The following DOCK1 variants were observed in gnomAD, a reference collection of about 807,000 sequenced individuals.
DOCK1 encodes dedicator of cytokinesis 1, also known as dedicator of cytokinesis protein 1.
A neutral mutation model predicts 262.7 loss-of-function variants in DOCK1; 138 were observed. That is an observed-to-expected ratio of 0.53 (90% CI 0.46 to 0.61). The LOEUF is 0.61. Among genes scored for constraint, DOCK1 ranks in the 20% least tolerant of loss-of-function variants. The probability of loss-of-function intolerance (pLI) is 0.00; values close to 1 mark genes in which losing one functional copy is unlikely to be tolerated. For synonymous variants in DOCK1, 866 were observed against 867.4 expected (o/e 1.00, Z 0.03); for missense variants, 1,908 against 2,370.7 (o/e 0.80, Z 4.05).
intron 29 of DOCK1, among the ~76,000 whole-genome samples, chr10:127,261,078 T>G (rs2060052060): frequency 6.9e-6 from 1 of 145,348 alleles, no homozygotes; most frequent in East Asian, 2.1e-4. Flanking sequence ...GGTGTGTGTG[T>G]ACCTGTGCTC....
chr10:127,447,380 TC>T lies in DOCK1; in HGVS notation c.5414-11del. The T allele has an allele frequency of 6.2e-7, 1 of 1,608,700 alleles. No homozygotes were observed. Among genetic ancestry groups the T allele is most frequent in the Non-Finnish European group, 8.5e-7 (1 of 1,177,556 alleles). On this transcript the variant is annotated splice_polypyrimidine_tract_variant and intron_variant, in intron 50 of 51. Coordinates refer to ENST00000623213, the MANE Select transcript of DOCK1 (RefSeq NM_001290223.2). ...GGAAGTCGGGCTGATTTTAAATAGATCCCGGTTTTCCAGGCTTGGAGCTGAA... is the reference window on the plus strand; with the variant it reads ...GGAAGTCGGGCTGATTTTAAATAGATCCGGTTTTCCAGGCTTGGAGCTGAA...
At chr10:127,162,574 C>T (rs2053678066) in intron 27 of DOCK1, among the ~76,000 whole-genome samples, 1 of 152,184 alleles carries the variant, frequency 6.6e-6, no homozygotes, top group Non-Finnish European at 1.5e-5. Flanking sequence ...CTCAGAATCA[C>T]ACACATCCCA....
In DOCK1 at chr10:127,081,904, C is replaced by T. The variant is rs537687345; in HGVS notation, c.2445+20128C>T. 2.0e-5 allele frequency among the ~76,000 whole-genome samples: 3 copies of T among 152,300 alleles called. No individual in the cohort carries two copies. In the South Asian group the frequency reaches 6.2e-4, roughly 32 times the overall value. On this transcript the variant is annotated intron_variant, in intron 23 of 51. Transcript: ENST00000623213. Reference sequence around the variant, plus strand: ...TCACCACCGTAATCAAGAGCTGGAACATTTCGCCACCCCAGTGATCTCCCT... The same window carrying T: ...TCACCACCGTAATCAAGAGCTGGAATATTTCGCCACCCCAGTGATCTCCCT...
intron 25 of DOCK1, among the ~76,000 whole-genome samples, chr10:127,115,512 G>A (rs978753798): frequency 2.6e-5 from 4 of 152,196 alleles, no homozygotes; most frequent in Non-Finnish European, 5.9e-5. Flanking sequence ...CATCATTTGT[G>A]CATTTGTAGC....
intron 7 of DOCK1, among the ~76,000 whole-genome samples, chr10:126,997,654 C>G (rs561726598): frequency 6.6e-6 from 1 of 152,228 alleles, no homozygotes; most frequent in African/African-American, 2.4e-5. Context: ...CACACACACA[C>G]AGTAGATACT....
chr10:127,042,577 GA>G, intron 19 of DOCK1, 47 bp from the exon 20 acceptor site: 3 of 1,507,432 alleles, frequency 2.0e-6, no homozygotes, highest in Non-Finnish European at 2.8e-6. Context: ...GTGTGTGGGG[GA>G]AGTCCGGTGG....
At chr10:127,123,086 C>T (rs1328972036) in intron 25 of DOCK1, among the ~76,000 whole-genome samples, 1 of 152,182 alleles carries the variant, frequency 6.6e-6, no homozygotes, top group East Asian at 1.9e-4. Flanking sequence ...ATGGACACAC[C>T]CTCCTTCCAG....
At position 127,379,974 on chromosome 10, in the gene DOCK1, C is replaced by T. The variant is rs568683550; in HGVS notation, c.3676-108C>T. On this transcript the variant is annotated intron_variant, in intron 35 of 51. Coordinates refer to ENST00000623213, the MANE Select transcript of DOCK1 (RefSeq NM_001290223.2). ...TGGTTCTGATCCAAAGAGCTGGGTCCATTTGGCTGTGTTTGACACAAGATG... is the reference window on the plus strand; with the variant it reads ...TGGTTCTGATCCAAAGAGCTGGGTCTATTTGGCTGTGTTTGACACAAGATG... The T allele has an allele frequency of 1.7e-5, 13 of 750,620 alleles. No homozygotes were observed. In the South Asian group the frequency reaches 2.1e-4, roughly 12 times the overall value. The allele number at this position is 750,620 out of a possible 1,614,324, so 46.5% of individuals were successfully genotyped here.
intron 27 of DOCK1, among the ~76,000 whole-genome samples, chr10:127,160,046 G>A (rs539623006): frequency 1.3e-5 from 2 of 152,042 alleles, no homozygotes; most frequent in Non-Finnish European, 2.9e-5. Context: ...TAGTGTCTCC[G>A]AGACCTTGAA....
intron 24 of DOCK1, among the ~76,000 whole-genome samples, chr10:127,109,664 C>T (rs778782412): frequency 1.3e-5 from 2 of 152,182 alleles, no homozygotes; most frequent in Non-Finnish European, 2.9e-5. Flanking sequence ...TTCTACTTAG[C>T]ATAAAGTTTT....
At chr10:126,985,705 T>C (rs2039331953) in intron 4 of DOCK1, among the ~76,000 whole-genome samples, 2 of 152,186 alleles carry the variant, frequency 1.3e-5, no homozygotes. Context: ...CTGCAGACTT[T>C]ATAGGGATGA....
intron 13 of DOCK1, among the ~76,000 whole-genome samples, chr10:127,019,434 C>CT (rs1454396613): frequency 2.6e-5 from 4 of 152,136 alleles, no homozygotes; most frequent in Non-Finnish European, 2.9e-5. Flanking sequence ...CCGTGTGATA[C>CT]TTTTTGGTTT....
At chr10:126,971,308 C>T (rs959468149) in intron 2 of DOCK1, among the ~76,000 whole-genome samples, 2 of 152,160 alleles carry the variant, frequency 1.3e-5, no homozygotes, top group Non-Finnish European at 2.9e-5. Flanking sequence ...CCACCTCAGC[C>T]TCCCAAAGTA....
intron 27 of DOCK1, among the ~76,000 whole-genome samples, chr10:127,182,942 G>T (rs2055873082): frequency 2.6e-5 from 4 of 152,156 alleles, no homozygotes; most frequent in Admixed American, 2.6e-4. Flanking sequence ...TCAGAGGCGG[G>T]AGTTGGCAGG....
At chr10:126,909,773 A>G (rs1325974614) in intron 1 of DOCK1, among the ~76,000 whole-genome samples, 1 of 152,254 alleles carries the variant, frequency 6.6e-6, no homozygotes, top group Non-Finnish European at 1.5e-5. Flanking sequence ...CCTGCGTTTA[A>G]GATATGCCAA....
In DOCK1 at chr10:127,012,221, G is replaced by T; in HGVS notation, c.1059-11G>T. 6.7e-7 allele frequency: 1 copy of T among 1,487,726 alleles called. No individual in the cohort carries two copies. Among genetic ancestry groups the T allele is most frequent in the Non-Finnish European group, 9.4e-7 (1 of 1,065,516 alleles). The allele number at this position is 1,487,726 out of a possible 1,614,324, so 92.2% of individuals were successfully genotyped here. On this transcript the variant is annotated splice_polypyrimidine_tract_variant and intron_variant, in intron 11 of 51. Transcript: ENST00000623213. This position sits in a 1 kb window ranked among gnomAD's most constrained non-coding sequence, Gnocchi z 4.0. Reference sequence around the variant, plus strand: ...TGTCTCCTGTGGTCTTGGTCGTCCCGTGCCCTCCAGGCTCGCGTTGGACGA... The same window carrying T: ...TGTCTCCTGTGGTCTTGGTCGTCCCTTGCCCTCCAGGCTCGCGTTGGACGA...
intron 29 of DOCK1, among the ~76,000 whole-genome samples, chr10:127,300,348 T>G (rs547729927): frequency 6.6e-6 from 1 of 152,306 alleles, no homozygotes; most frequent in East Asian, 1.9e-4. Context: ...TAAAGCTTCT[T>G]GGGAAAAGCC....
intron 5 of DOCK1, among the ~76,000 whole-genome samples, chr10:126,988,671 T>C (rs972196760): frequency 6.6e-6 from 1 of 152,222 alleles, no homozygotes; most frequent in Non-Finnish European, 1.5e-5. Context: ...CTAGAGTAGG[T>C]ATTCTTAATG....
chr10:127,429,073 A>ACCATGTGGATTGGGGTG (rs2069097636), intron 47 of DOCK1, among the ~76,000 whole-genome samples: 1 of 66,572 alleles, frequency 1.5e-5, no homozygotes, highest in Non-Finnish European at 3.1e-5. Context: ...GGATTGGGGT[A>ACCATGTGGATTGGGGTG]CCATGTGGAT....
Sources: gnomAD v4.1 joint callset for allele counts (sites outside exome capture counted in the v4.1 genomes callset) on GRCh38, gnomAD v4.1.1 for gene constraint, Gnocchi (gnomAD v3.1) non-coding constraint, MANE v1.5 for transcripts, NCBI Gene and HGNC (gene_info 2026-07-23, HGNC 2026-07-21) for gene names.